STK11IP: variants seen among roughly 807,000 people sequenced by gnomAD.
The protein encoded by STK11IP is serine/threonine kinase 11 interacting protein.
A neutral mutation model predicts 131.7 loss-of-function variants in STK11IP; 103 were observed. The observed-to-expected ratio is 0.78, with a 90% CI of 0.67 to 0.92. STK11IP has a LOEUF of 0.92. Among genes scored for constraint, STK11IP ranks in the 40% least tolerant of loss-of-function variants. The probability of loss-of-function intolerance (pLI) is 0.00; values close to 1 mark genes in which losing one functional copy is unlikely to be tolerated. For synonymous variants in STK11IP, 557 were observed against 575.6 expected, an observed-to-expected ratio of 0.97 and a Z score of 0.46; for missense variants, 1,315 against 1,385.7, an observed-to-expected ratio of 0.95 and a Z score of 0.81.
intron 8 of STK11IP, 66 bp from the exon 9 acceptor site, chr2:219,605,890 C>A: frequency 6.8e-7 from 1 of 1,473,194 alleles, no homozygotes. Context: ...TCCCCCAGTG[C>A]ATGCACCACA....
intron 2 of STK11IP, 75 bp downstream of exon 2, chr2:219,598,255 T>C (rs1183241886): frequency 2.7e-6 from 3 of 1,127,230 alleles, no homozygotes; most frequent in Non-Finnish European, 3.8e-6. Context: ...AGACACGCCC[T>C]GAGAGTCATG....
rs1553542832 is a variant in STK11IP, at chr2:219,601,622, G to GA, written c.268-19_268-18insA. On this transcript the variant is annotated intron_variant, in intron 3 of 24. Transcript: ENST00000456909. ...GATCTGCTGTGCCTCAGTAAATTGA[G>GA]TTTTTTTTTTTTTTTCAGCTGGTCC... 6.7e-6 allele frequency: 10 copies of GA among 1,491,008 alleles called. No individual in the cohort carries two copies. In the African/African-American group the frequency reaches 7.2e-5, roughly 11 times the overall value. The allele number at this position is 1,491,008 out of a possible 1,614,324, so 92.4% of individuals were successfully genotyped here. A position where few individuals can be genotyped will look rare whatever the true frequency, so the allele number is the denominator to read the frequency against.
intron 23 of STK11IP, 94 bp from the exon 24 acceptor site, chr2:219,615,000 T>G (rs1016781524): frequency 1.4e-6 from 2 of 1,440,838 alleles, no homozygotes; most frequent in Non-Finnish European, 1.9e-6. Flanking sequence ...CAGAGTGTGG[T>G]TCACACCTCT....
rs1340362035 is a variant in STK11IP, at chr2:219,608,371, A to G, written c.1544A>G (p.Gln515Arg). Residue 515 changes from glutamine (Q) to arginine (R), a missense_variant, in exon 14 of 25, where the codon CAG (glutamine) becomes CGG (arginine). By Grantham distance (43) the Gln-to-Arg change is conservative (BLOSUM62 1). Transcript: ENST00000456909. ...AAGGAGGAGGGGGAGATGGTGGAAC[A>G]GGGAGAAGAGGAGGCAGGAGAGGAG... ...EEKEEGEMVEQGEEEAGEEEE... is the reference protein window; with the variant it reads ...EEKEEGEMVERGEEEAGEEEE... 2 of 1,580,798 alleles carry G rather than the reference A, an allele frequency of 1.3e-6. No homozygotes were observed. The highest frequency in any genetic ancestry group is 2.7e-5 in the African/African-American group (2 of 74,168).
At position 219,615,183 on chromosome 2, in the gene STK11IP, T is replaced by G. The variant is rs1698535408; in HGVS notation, c.2959T>G (p.Ser987Ala). The G allele has an allele frequency of 6.3e-7, 1 of 1,599,692 alleles. No individual in the cohort carries two copies. Among genetic ancestry groups the G allele is most frequent in the Non-Finnish European group, 8.5e-7 (1 of 1,175,774 alleles). Residue 987 changes from serine (S) to alanine (A), a missense_variant, in exon 24 of 25, where the codon TCT (serine) becomes GCT (alanine). Transcript: ENST00000456909. Reference sequence around the variant, plus strand: ...TGCTGCAGGGTCCCCGGCAGAGCCCTCTCCTCCAGCAGCATCTGGCGAAGC... The same window carrying G: ...TGCTGCAGGGTCCCCGGCAGAGCCCGCTCCTCCAGCAGCATCTGGCGAAGC... The part of the protein sequence containing the change: ...EDAAGSPAEP[S>A]PPAASGEASE...
Position 219,611,973 on chromosome 2 carries a change from T to C in STK11IP, c.2354T>C (p.Leu785Pro). ...CCCTCAGCCCCTGAGCGCTGTGGCC[T>C]CCGCTCTGTGGACCACCGACTCCGG... ...SLSPPPERCG[L>P]RSVDHRLRLF... The change falls in exon 19 of 25, where the codon CTC becomes CCC. Residue 785 changes from leucine to proline, a missense_variant. Coordinates refer to ENST00000456909, the MANE Select transcript of STK11IP (RefSeq NM_052902.4). 6.3e-7 allele frequency: 1 copy of C among 1,599,676 alleles called. No homozygotes were observed. Among genetic ancestry groups the C allele is most frequent in the Non-Finnish European group, 8.5e-7 (1 of 1,174,132 alleles).
chr2:219,614,194 A>G lies in STK11IP; in HGVS notation c.2750A>G (p.Asn917Ser). 5.0e-6 allele frequency: 8 copies of G among 1,613,400 alleles called. No homozygotes were observed. Among genetic ancestry groups the G allele is most frequent in the Non-Finnish European group, 6.8e-6 (8 of 1,179,738 alleles). ...VLQSLPPAWR[N>S]CVSATEEEVT... ...CAGTCTCTGCCCCCTGCCTGGAGGA[A>G]CTGTGTCAGTGCCACAGAGGAGGAG... is the stretch of plus-strand genomic sequence containing the variant. The change falls in exon 22 of 25, where the codon AAC (asparagine) becomes AGC (serine). Residue 917 changes from asparagine (N) to serine (S), a missense_variant. Coordinates refer to ENST00000456909, the MANE Select transcript of STK11IP (RefSeq NM_052902.4).
chr2:219,605,375 A>G (rs576278064), intron 7 of STK11IP: 1 of 432,858 alleles, frequency 2.3e-6, no homozygotes, highest in South Asian at 4.5e-5. Context: ...CCAGGCAGGA[A>G]TTTAAGGGGC....
chr2:219,609,507 G>GAGGA lies in STK11IP; in HGVS notation c.2075_2078dup (p.Trp694ArgfsTer17), dbSNP rs1453574171. 1.1e-5 allele frequency: 17 copies of GAGGA among 1,587,926 alleles called. No individual in the cohort carries two copies. Among genetic ancestry groups the GAGGA allele is most frequent in the Non-Finnish European group, 1.5e-5 (17 of 1,166,668 alleles). ...GGAGCCCAGGATGGGATTAGACAGTGAGGAAGGCTGGAGGCCTCTGTTCCA... is the reference window on the plus strand; with the variant it reads ...GGAGCCCAGGATGGGATTAGACAGTGAGGAAGGAAGGCTGGAGGCCTCTGTTCCA... On this transcript the variant is annotated frameshift_variant, in exon 17 of 25. Coordinates refer to ENST00000456909, the MANE Select transcript of STK11IP (RefSeq NM_052902.4). LOFTEE classifies it high-confidence loss of function.
chr2:219,608,533 G>A (rs1322841762), intron 14 of STK11IP, 50 bp from the exon 15 acceptor site: 2 of 1,548,112 alleles, frequency 1.3e-6, no homozygotes, highest in Non-Finnish European at 1.7e-6. Flanking sequence ...GGAGGGCAGA[G>A]TGTGGGTACT....
intron 17 of STK11IP, 39 bp downstream of exon 17, chr2:219,609,579 C>G (rs1468020046): frequency 1.9e-6 from 3 of 1,550,766 alleles, no homozygotes; most frequent in Middle Eastern, 3.4e-4. Context: ...CCACACGCCT[C>G]CCCTGTTCCA....
rs1289357028 is a variant in STK11IP, at chr2:219,614,228, C to T, written c.2784C>T (p.Pro928=). 6.2e-7 allele frequency: 1 copy of T among 1,613,422 alleles called. No individual in the cohort carries two copies. The highest frequency in any genetic ancestry group is 8.5e-7 in the Non-Finnish European group (1 of 1,179,766). The change falls in exon 22 of 25, where the codon CCC becomes CCT. Residue 928 remains proline, a synonymous_variant. Transcript: ENST00000456909. The part of the protein sequence containing the change: ...CVSATEEEVT[P]QHRLWPLLEK... ...GTGCCACAGAGGAGGAGGTCACCCCCCAGCACCGGCTCTGGTGAGTCGATA... is the reference window on the plus strand; with the variant it reads ...GTGCCACAGAGGAGGAGGTCACCCCTCAGCACCGGCTCTGGTGAGTCGATA...
Position 219,598,083 on chromosome 2 carries a change from T to TC in STK11IP, c.-26-3dup, listed in dbSNP as rs368360619. ...ACCTGAGGCTCTTCCGCTTCCTCTT[T>TC]CCCCCCCCAGGCTCCGCCCCCCAGC... On this transcript the variant is annotated splice_polypyrimidine_tract_variant and intron_variant, in intron 1 of 24. Coordinates refer to ENST00000456909, the MANE Select transcript of STK11IP (RefSeq NM_052902.4). 4.2e-4 allele frequency: 654 copies of TC among 1,563,374 alleles called. 5 individuals are homozygous for TC. The Middle Eastern group carries it at 4.7e-3, about 11-fold the overall frequency.
chr2:219,610,779 C>A (rs970105088), intron 17 of STK11IP, among the ~76,000 whole-genome samples: 3 of 152,188 alleles, frequency 2.0e-5, no homozygotes, highest in Non-Finnish European at 4.4e-5. Context: ...TGCTGTTACG[C>A]TATTTAAATG....
At chr2:219,607,220 A>G in intron 13 of STK11IP, 83 bp downstream of exon 13, 2 of 1,371,542 alleles carry the variant, frequency 1.5e-6, no homozygotes, top group Admixed American at 1.9e-5. Context: ...ATCTGCTGGA[A>G]GAAATGTTAT....
chr2:219,610,525 C>CGAGTAT (rs1698361447), intron 17 of STK11IP, among the ~76,000 whole-genome samples: 1 of 152,154 alleles, frequency 6.6e-6, no homozygotes, highest in Non-Finnish European at 1.5e-5. Context: ...GCCTCAGCCT[C>CGAGTAT]GCAAGTAGCT....
At chr2:219,614,907 A>C in intron 23 of STK11IP, 187 bp from the exon 24 acceptor site, 1 of 694,422 alleles carries the variant, frequency 1.4e-6, no homozygotes, top group Non-Finnish European at 2.4e-6. Context: ...TAGGCCTCAG[A>C]GGTATTCCAG....
chr2:219,606,843 G>A lies in STK11IP; in HGVS notation c.1119G>A (p.Leu373=). Residue 373 remains leucine, a synonymous_variant, in exon 12 of 25, where the codon CTG becomes CTA. Transcript: ENST00000456909. ...LSSGGVVTQP[L]LHKVKSRVRV... is the part of the protein sequence containing the mutation. ...CAGGGGGTGTTGTGACCCAGCCCCT[G>A]CTTCATAAGGTTAAGGTAAGCAGCG... The A allele has an allele frequency of 6.2e-7, 1 of 1,611,952 alleles. No homozygotes were observed. The highest frequency in any genetic ancestry group is 8.5e-7 in the Non-Finnish European group (1 of 1,178,834).
In STK11IP at chr2:219,616,312, G is replaced by A; in HGVS notation, c.*119G>A. ...GGATGTCTTCAGCCTCTGGGTGCTG[G>A]CCAGTGAGGTCCCAAATGACCCAGG... On this transcript the variant is annotated 3_prime_UTR_variant, in exon 25 of 25. Transcript: ENST00000456909. 3 of 1,346,154 alleles carry A rather than the reference G, an allele frequency of 2.2e-6. No homozygotes were observed. Among genetic ancestry groups the A allele is most frequent in the South Asian group, 3.0e-5 (2 of 66,502 alleles). The allele number at this position is 1,346,154 out of a possible 1,614,324, so 83.4% of individuals were successfully genotyped here.
Sources: gnomAD v4.1 joint callset for allele counts (sites outside exome capture counted in the v4.1 genomes callset) on GRCh38, gnomAD v4.1.1 for gene constraint, MANE v1.5 for transcripts, NCBI Gene and HGNC (gene_info 2026-07-23, HGNC 2026-07-21) for gene names.